MFHAS1: variants seen among roughly 807,000 people sequenced by gnomAD.
MFHAS1 encodes the protein multifunctional ROCO family signaling regulator 1.
A neutral mutation model predicts 70.4 loss-of-function variants in MFHAS1; 50 were observed. The ratio of observed to expected loss-of-function variants is 0.71; its 90% confidence interval spans 0.57 to 0.90. The LOEUF (loss-of-function observed/expected upper bound fraction) is 0.90. Among genes scored for constraint, MFHAS1 ranks in the 40% least tolerant of loss-of-function variants. The pLI is 0.00. For missense variants in MFHAS1, 1,795 were observed against 1,347.6 expected, an observed-to-expected ratio of 1.33 and a Z score of -5.20; for synonymous variants, 952 against 620.0, an observed-to-expected ratio of 1.54 and a Z score of -7.96.
chr8:8,814,521 A>T (rs573501843), intron 1 of MFHAS1, among the ~76,000 whole-genome samples: 1 of 152,342 alleles, frequency 6.6e-6, no homozygotes, highest in South Asian at 2.1e-4. Flanking sequence ...AATGACTGCA[A>T]TTTCTTTATT....
At chr8:8,883,732 G>C (rs748513665) in intron 1 of MFHAS1, among the ~76,000 whole-genome samples, 1 of 88,450 alleles carries the variant, frequency 1.1e-5, no homozygotes, top group African/African-American at 5.0e-5. Flanking sequence ...AAAAAAAAAA[G>C]AAAGGGCTCC....
intron 1 of MFHAS1, among the ~76,000 whole-genome samples, chr8:8,822,843 G>A (rs1364476472): frequency 1.3e-5 from 2 of 151,278 alleles, no homozygotes; most frequent in East Asian, 1.9e-4. Flanking sequence ...ACAGGGACAG[G>A]AACCAAGTCA....
intron 1 of MFHAS1, among the ~76,000 whole-genome samples, chr8:8,887,728 G>A (rs1463397230): frequency 6.6e-6 from 1 of 151,286 alleles, no homozygotes; most frequent in East Asian, 1.9e-4. Flanking sequence ...GCAAAACCAG[G>A]TGTGCCTCAT....
chr8:8,867,885 G>T lies in MFHAS1; in HGVS notation c.2998+22176C>A, dbSNP rs550811055. 2.0e-5 allele frequency among the ~76,000 whole-genome samples: 3 copies of T among 152,140 alleles called. No homozygotes were observed. The South Asian group carries it at 6.2e-4, about 32-fold the overall frequency. On this transcript the variant is annotated intron_variant, in intron 1 of 2. Transcript: ENST00000276282. ...AATTGCTATACTTTTTTAGTAACAG[G>T]TTAAAAACCCTGGGATCTGAGGGAA...
At chr8:8,868,992 C>T (rs370846885) in intron 1 of MFHAS1, among the ~76,000 whole-genome samples, 2 of 152,148 alleles carry the variant, frequency 1.3e-5, no homozygotes, top group Non-Finnish European at 2.9e-5. Flanking sequence ...TGTTCCTAAC[C>T]ATTTATTTCA....
chr8:8,883,407 A>G (rs114953283), intron 1 of MFHAS1, among the ~76,000 whole-genome samples: 2,624 of 152,110 alleles, frequency 0.017, 71 homozygotes, highest in African/African-American at 0.06. Context: ...GGTGTCCTTA[A>G]TCAAAAAGGG....
intron 1 of MFHAS1, among the ~76,000 whole-genome samples, chr8:8,889,689 A>C (rs1225454657): frequency 6.6e-6 from 1 of 152,256 alleles, no homozygotes; most frequent in African/African-American, 2.4e-5. Flanking sequence ...TCTAATGAAC[A>C]CTTTAGCCAA....
chr8:8,877,308 A>AAAAAAAG (rs1809335303), intron 1 of MFHAS1, among the ~76,000 whole-genome samples: 1 of 151,390 alleles, frequency 6.6e-6, no homozygotes, highest in South Asian at 2.1e-4. Context: ...CCTCAAAAAA[A>AAAAAAAG]AAAAAAAAAA....
chr8:8,810,054 A>G (rs1806489591), intron 1 of MFHAS1, among the ~76,000 whole-genome samples: 1 of 152,218 alleles, frequency 6.6e-6, no homozygotes, highest in African/African-American at 2.4e-5. Flanking sequence ...AAGGGGAATC[A>G]TGTGAAGTCC....
chr8:8,890,029 C>A, intron 1 of MFHAS1, 32 bp downstream of exon 1: 1 of 1,519,836 alleles, frequency 6.6e-7, no homozygotes, highest in Non-Finnish European at 9.0e-7. Flanking sequence ...TTACAGCATA[C>A]CACAGAAGAA....
In MFHAS1 at chr8:8,849,064, C is replaced by CTTTTTTTTT. The variant is rs145250762; in HGVS notation, c.2998+40988_2998+40996dup. 1.9e-3 allele frequency among the ~76,000 whole-genome samples: 142 copies of CTTTTTTTTT among 75,792 alleles called. 6 individuals carry two copies. The highest frequency in any genetic ancestry group is 6.0e-3 in the African/African-American group (125 of 20,916). 49.7% of individuals were successfully genotyped at this position (75,792 alleles called of 152,430 possible). On this transcript the variant is annotated intron_variant, in intron 1 of 2. Transcript: ENST00000276282. Reference sequence around the variant, plus strand: ...TCTGCAGCAATTAATTCCTTTTTACCTTTTTTTTTTTTTTTTTTTTTTTTT... The same window carrying CTTTTTTTTT: ...TCTGCAGCAATTAATTCCTTTTTACCTTTTTTTTTTTTTTTTTTTTTTTTTTTTTTTTTT...
At chr8:8,796,667 G>C (rs1351815334) in intron 2 of MFHAS1, among the ~76,000 whole-genome samples, 1 of 106,820 alleles carries the variant, frequency 9.4e-6, no homozygotes, top group Admixed American at 1.4e-4. Flanking sequence ...CTGGGCGACA[G>C]AGCAAGACTC....
chr8:8,819,324 G>A (rs1806859493), intron 1 of MFHAS1, among the ~76,000 whole-genome samples: 3 of 152,044 alleles, frequency 2.0e-5, no homozygotes, highest in Admixed American at 2.0e-4. Flanking sequence ...TCCAAGAATT[G>A]GCCGGGTGCG....
intron 2 of MFHAS1, among the ~76,000 whole-genome samples, chr8:8,794,100 G>T (rs1258994356): frequency 1.3e-5 from 2 of 152,158 alleles, no homozygotes; most frequent in South Asian, 2.1e-4. Context: ...TGAGGCAGAA[G>T]AATCACTTGA....
At chr8:8,791,685 G>T (rs535307090) in intron 2 of MFHAS1, among the ~76,000 whole-genome samples, 1 of 152,116 alleles carries the variant, frequency 6.6e-6, no homozygotes, top group Non-Finnish European at 1.5e-5. Flanking sequence ...AAGATAATGC[G>T]GTCTACTTGC....
At chr8:8,859,515 C>T (rs1017006596) in intron 1 of MFHAS1, among the ~76,000 whole-genome samples, 1 of 152,148 alleles carries the variant, frequency 6.6e-6, no homozygotes, top group African/African-American at 2.4e-5. Flanking sequence ...CAGTTTTCTT[C>T]CACCCCTACC....
At chr8:8,813,292 T>C (rs1046117311) in intron 1 of MFHAS1, among the ~76,000 whole-genome samples, 2 of 152,224 alleles carry the variant, frequency 1.3e-5, no homozygotes, top group Non-Finnish European at 2.9e-5. Context: ...ACTATGTTAC[T>C]GGATTATGTG....
chr8:8,789,814 C>T (rs10098636), intron 2 of MFHAS1, among the ~76,000 whole-genome samples: 43,674 of 151,776 alleles, frequency 0.29, 6,828 homozygotes, highest in African/African-American at 0.39. Context: ...GGCCACCATC[C>T]ACCTGCCCTA....
rs34608799 is a variant in MFHAS1, at chr8:8,785,387, A to ATT, written c.*633_*634dup. The ATT allele has an allele frequency of 0.81, 122,517 of 150,388 alleles. 50,197 individuals are homozygous for ATT. The highest frequency in any genetic ancestry group is 0.91 in the South Asian group (4,331 of 4,736). The allele number at this position is 150,388 out of a possible 1,614,324, so 9.3% of individuals were successfully genotyped here. A position where few individuals can be genotyped will look rare whatever the true frequency, so the allele number is the denominator to read the frequency against. On this transcript the variant is annotated 3_prime_UTR_variant, in exon 3 of 3. Coordinates refer to ENST00000276282, the MANE Select transcript of MFHAS1 (RefSeq NM_004225.3). ...ACTTAATCCATGGGCTAACAGAGAGATTTTTTTTTTAATGTGAAGAGGATT... is the reference window on the plus strand; with the variant it reads ...ACTTAATCCATGGGCTAACAGAGAGATTTTTTTTTTTTAATGTGAAGAGGATT...
Sources: allele counts gnomAD v4.1 joint callset (sites outside exome capture counted in the v4.1 genomes callset), GRCh38; gene constraint gnomAD v4.1.1; transcripts MANE v1.5; gene names NCBI Gene and HGNC (gene_info 2026-07-23, HGNC 2026-07-21).